The following SLC8A1 variants were observed in gnomAD, a reference collection of about 807,000 sequenced individuals.
SLC8A1 encodes sodium/calcium exchanger 1.
In SLC8A1, 18 loss-of-function variants were observed where a neutral mutation model predicts 68.3. The observed-to-expected ratio is 0.26, with a 90% CI of 0.18 to 0.39. SLC8A1 has a LOEUF of 0.39. Among genes scored for constraint, SLC8A1 ranks in the 10% least tolerant of loss-of-function variants. SLC8A1 has a pLI of 1.00. For synonymous variants in SLC8A1, 475 were observed against 415.5 expected (o/e 1.14, Z -1.74); for missense variants, 985 against 1,156.7 (o/e 0.85, Z 2.15).
intron 2 of SLC8A1, among the ~76,000 whole-genome samples, chr2:40,265,626 C>A (rs1396190655): frequency 6.6e-6 from 1 of 152,100 alleles, no homozygotes; most frequent in Non-Finnish European, 1.5e-5. Context: ...CATAAGCCTG[C>A]AATTCTGTGG....
Position 40,432,113 on chromosome 2 carries a change from G to C in SLC8A1, c.-24-1809C>G, listed in dbSNP as rs540335274. ...GCTTTGAGATTTCTGCTTGAAACAA[G>C]GTGAAATTTAACCATCCTGCAAGAA... is the stretch of plus-strand genomic sequence containing the variant. On this transcript the variant is annotated intron_variant, in intron 1 of 7. Coordinates refer to ENST00000406785, the Ensembl canonical transcript of SLC8A1. 8.4e-4 allele frequency among the ~76,000 whole-genome samples: 128 copies of C among 152,072 alleles called. 2 individuals carry two copies. The highest frequency in any genetic ancestry group is 2.1e-3 in the Admixed American group (32 of 15,262).
chr2:40,104,795 C>T (rs2125035869), exon 8 of SLC8A1: 1 of 152,224 alleles, frequency 6.6e-6, no homozygotes, highest in Non-Finnish European at 1.5e-5. Context: ...AAAATTGTTT[C>T]ACTCTCTTGA....
At chr2:40,443,327 A>G (rs1700858847) in intron 1 of SLC8A1, among the ~76,000 whole-genome samples, 1 of 152,212 alleles carries the variant, frequency 6.6e-6, no homozygotes, top group Admixed American at 6.5e-5. Flanking sequence ...AAATGTGACT[A>G]TAAAACTAAG....
intron 2 of SLC8A1, among the ~76,000 whole-genome samples, chr2:40,179,949 T>C (rs939751452): frequency 1.3e-5 from 2 of 152,164 alleles, no homozygotes; most frequent in African/African-American, 2.4e-5. Context: ...AATAACGTAC[T>C]CTCTGTTCCT....
chr2:40,386,911 G>T (rs1683744409), intron 2 of SLC8A1, among the ~76,000 whole-genome samples: 1 of 151,224 alleles, frequency 6.6e-6, no homozygotes, highest in South Asian at 2.1e-4. Context: ...GTATGTGGTG[G>T]TTCTACTATA....
At chr2:40,353,145 G>A (rs775626479) in intron 2 of SLC8A1, among the ~76,000 whole-genome samples, 9 of 152,136 alleles carry the variant, frequency 5.9e-5, no homozygotes, top group Non-Finnish European at 1.3e-4. Context: ...GGGGTAAATT[G>A]TTTTCAGCAC....
At chr2:40,328,527 T>C (rs918510417) in intron 2 of SLC8A1, among the ~76,000 whole-genome samples, 2 of 152,210 alleles carry the variant, frequency 1.3e-5, no homozygotes, top group African/African-American at 4.8e-5. Context: ...TTGTCATTAC[T>C]TCTTGCTGCG....
chr2:40,182,904 G>T (rs17025474), intron 2 of SLC8A1, among the ~76,000 whole-genome samples: 1 of 152,156 alleles, frequency 6.6e-6, no homozygotes, highest in Non-Finnish European at 1.5e-5. Context: ...GATCAGGAAA[G>T]GATGAAATGG....
At chr2:40,178,851 T>C (rs944323594) in intron 2 of SLC8A1, among the ~76,000 whole-genome samples, 1 of 152,202 alleles carries the variant, frequency 6.6e-6, no homozygotes, top group African/African-American at 2.4e-5. Flanking sequence ...TTGGATTGTC[T>C]AAGCTATGCC....
chr2:40,428,918 A>C (rs1168614673), exon 2 of SLC8A1: 2 of 1,613,778 alleles, frequency 1.2e-6, no homozygotes. Context: ...TCATAATCAG[A>C]CCCAGCATTT....
intron 2 of SLC8A1, among the ~76,000 whole-genome samples, chr2:40,188,508 G>A (rs13428581): frequency 0.13 from 19,292 of 152,180 alleles, 1,348 homozygotes; most frequent in African/African-American, 0.16. Context: ...AGCTCTCTTC[G>A]TCCTGAACAT....
intron 7 of SLC8A1, among the ~76,000 whole-genome samples, chr2:40,127,367 G>T (rs147119295): frequency 1.3e-5 from 2 of 152,266 alleles, no homozygotes; most frequent in East Asian, 1.9e-4. Context: ...CACTTCCAGC[G>T]CAGCCTCAAA....
chr2:40,129,059 G>A (rs75261146), intron 7 of SLC8A1, among the ~76,000 whole-genome samples: 2,305 of 152,234 alleles, frequency 0.015, 26 homozygotes, highest in Non-Finnish European at 0.023. Context: ...CTGGATTAGG[G>A]TAATGGTAGC....
chr2:40,393,292 T>C (rs368764137), intron 2 of SLC8A1, among the ~76,000 whole-genome samples: 78 of 152,152 alleles, frequency 5.1e-4, no homozygotes, highest in African/African-American at 1.7e-3. Context: ...CCAACAGCTA[T>C]CCAGTTGTGC....
At chr2:40,138,616 G>A (rs1413575342) in intron 7 of SLC8A1, among the ~76,000 whole-genome samples, 1 of 152,130 alleles carries the variant, frequency 6.6e-6, no homozygotes, top group African/African-American at 2.4e-5. Context: ...ACATTCCTGG[G>A]CCCTGTCACT....
intron 2 of SLC8A1, among the ~76,000 whole-genome samples, chr2:40,352,310 T>C (rs1671352980): frequency 1.3e-5 from 2 of 152,270 alleles, no homozygotes; most frequent in East Asian, 1.9e-4. Flanking sequence ...ATCTCTGAAA[T>C]AACATTTTCC....
intron 2 of SLC8A1, among the ~76,000 whole-genome samples, chr2:40,243,152 C>G (rs530038057): frequency 6.6e-6 from 1 of 152,204 alleles, no homozygotes; most frequent in African/African-American, 2.4e-5. Context: ...AAGGAAACCC[C>G]TAAATCTTTA....
chr2:40,321,598 C>T (rs1301801191), intron 2 of SLC8A1, among the ~76,000 whole-genome samples: 1 of 152,018 alleles, frequency 6.6e-6, no homozygotes, highest in East Asian at 1.9e-4. Flanking sequence ...ATAATCATGG[C>T]AGAAAGGGAC....
intron 2 of SLC8A1, among the ~76,000 whole-genome samples, chr2:40,215,687 G>C (rs1356544965): frequency 1.4e-5 from 2 of 147,354 alleles, no homozygotes; most frequent in Non-Finnish European, 3.0e-5. Context: ...GTAAAGACAA[G>C]GTCTTGCTTT....
Sources: allele counts gnomAD v4.1 joint callset (sites outside exome capture counted in the v4.1 genomes callset), GRCh38; gene constraint gnomAD v4.1.1; transcripts MANE v1.5; gene names NCBI Gene and HGNC (gene_info 2026-07-23, HGNC 2026-07-21).